The following LOC128092252 variants were observed in gnomAD, a reference collection of about 807,000 sequenced individuals.
At chr15:50,668,832 A>C in the LOC128092252 span, among the ~76,000 whole-genome samples, 1 of 152,136 alleles carries the variant, frequency 6.6e-6, no homozygotes, top group Non-Finnish European at 1.5e-5. Flanking sequence ...GTATAAGTGC[A>C]GTAAGAATCG....
At chr15:50,680,090 T>C in the LOC128092252 span, among the ~76,000 whole-genome samples, 1 of 151,686 alleles carries the variant, frequency 6.6e-6, no homozygotes, top group Non-Finnish European at 1.5e-5. Context: ...AAATATTAGC[T>C]GGGCATGGTG....
chr15:50,684,211 G>A, the LOC128092252 span, among the ~76,000 whole-genome samples: 1 of 151,060 alleles, frequency 6.6e-6, no homozygotes, highest in African/African-American at 2.4e-5. Context: ...GTAGTGCAGT[G>A]GCAGGATCTC....
chr15:50,658,473 G>C, the LOC128092252 span, among the ~76,000 whole-genome samples: 3 of 151,910 alleles, frequency 2.0e-5, no homozygotes, highest in Non-Finnish European at 4.4e-5. Flanking sequence ...GGGAGGCTGA[G>C]GTGGGAGGAT....
the LOC128092252 span, among the ~76,000 whole-genome samples, chr15:50,679,783 C>T: frequency 6.6e-6 from 1 of 151,696 alleles, no homozygotes; most frequent in Non-Finnish European, 1.5e-5. Context: ...AATCCTCCCG[C>T]CTCAGCCTCC....
chr15:50,651,813 G>A, the LOC128092252 span, among the ~76,000 whole-genome samples: 2 of 151,960 alleles, frequency 1.3e-5, no homozygotes, highest in African/African-American at 4.8e-5. Context: ...CTTGAACCCA[G>A]GAGGTGGGGG....
the LOC128092252 span, among the ~76,000 whole-genome samples, chr15:50,678,557 TATAC>T: frequency 1.4e-5 from 2 of 148,096 alleles, no homozygotes; most frequent in Admixed American, 6.8e-5. Context: ...CACACACACA[TATAC>T]ATAATTTTAT....
the LOC128092252 span, among the ~76,000 whole-genome samples, chr15:50,653,601 A>G: frequency 6.6e-6 from 1 of 152,216 alleles, no homozygotes; most frequent in South Asian, 2.1e-4. Flanking sequence ...TGACTGCACC[A>G]GCTTGGGGGC....
the LOC128092252 span, among the ~76,000 whole-genome samples, chr15:50,666,225 C>T: frequency 6.6e-6 from 1 of 152,036 alleles, no homozygotes. Flanking sequence ...TCACTTGAGT[C>T]CAGGAGTTTG....
chr15:50,660,773 C>T, the LOC128092252 span, among the ~76,000 whole-genome samples: 1 of 151,948 alleles, frequency 6.6e-6, no homozygotes, highest in East Asian at 1.9e-4. Context: ...CATTTATATT[C>T]CTTTAATACT....
At chr15:50,654,850 A>G in the LOC128092252 span, among the ~76,000 whole-genome samples, 3 of 149,388 alleles carry the variant, frequency 2.0e-5, no homozygotes, top group Non-Finnish European at 4.5e-5. Flanking sequence ...AACCACAAAA[A>G]ACTACCCGGG....
At chr15:50,681,292 C>CACAA in the LOC128092252 span, among the ~76,000 whole-genome samples, 5 of 150,264 alleles carry the variant, frequency 3.3e-5, no homozygotes, top group Admixed American at 3.4e-4. Context: ...CACACACACA[C>CACAA]AAAGCATTCA....
chr15:50,675,212 G>A, the LOC128092252 span, among the ~76,000 whole-genome samples: 6 of 152,034 alleles, frequency 3.9e-5, no homozygotes, highest in East Asian at 5.8e-4. Context: ...GCATGGTGGC[G>A]GGCACCTGTA....
the LOC128092252 span, chr15:50,649,037 A>G: frequency 4.0e-6 from 2 of 505,102 alleles, 1 homozygote; most frequent in South Asian, 8.1e-5. Context: ...TAGGATATCT[A>G]TATATTAATA....
At chr15:50,671,269 T>C in the LOC128092252 span, among the ~76,000 whole-genome samples, 3 of 152,100 alleles carry the variant, frequency 2.0e-5, no homozygotes, top group Non-Finnish European at 4.4e-5. Flanking sequence ...TTTTATCAGT[T>C]CAATTTTTTA....
At chr15:50,661,017 C>T in the LOC128092252 span, among the ~76,000 whole-genome samples, 1 of 151,402 alleles carries the variant, frequency 6.6e-6, no homozygotes, top group Admixed American at 6.6e-5. Context: ...CTCTTGTTAC[C>T]CAGGCTGGAG....
the LOC128092252 span, among the ~76,000 whole-genome samples, chr15:50,678,006 G>C: frequency 1.5e-4 from 23 of 151,638 alleles, no homozygotes; most frequent in Non-Finnish European, 2.4e-4. Flanking sequence ...TTGGGAGGCC[G>C]AGGCGGGCGG....
the LOC128092252 span, chr15:50,662,918 T>C: frequency 7.6e-7 from 1 of 1,319,412 alleles, no homozygotes; most frequent in South Asian, 1.3e-5. Context: ...ACAATATAAT[T>C]TACACTAAAA....
the LOC128092252 span, among the ~76,000 whole-genome samples, chr15:50,657,627 C>G: frequency 6.6e-6 from 1 of 152,160 alleles, no homozygotes; most frequent in African/African-American, 2.4e-5. Flanking sequence ...TTTCAAACAG[C>G]CTTGACTGAC....
chr15:50,673,378 T>C, the LOC128092252 span, among the ~76,000 whole-genome samples: 4 of 152,198 alleles, frequency 2.6e-5, no homozygotes, highest in East Asian at 7.7e-4. Flanking sequence ...GCCCGACCGG[T>C]ACACACTGCA....
Sources: allele counts gnomAD v4.1 joint callset (sites outside exome capture counted in the v4.1 genomes callset), GRCh38; gene constraint gnomAD v4.1.1; transcripts MANE v1.5.